The following UNC5C variants were observed in gnomAD, a reference collection of about 807,000 sequenced individuals.
The protein encoded by UNC5C is netrin receptor UNC5C.
UNC5C carries 47 observed loss-of-function variants against 99.8 expected under a neutral mutation model. The observed-to-expected ratio is 0.47, with a 90% confidence interval of 0.37 to 0.60. The LOEUF (loss-of-function observed/expected upper bound fraction) is 0.60. UNC5C is among the 20% of genes least tolerant of loss of function. UNC5C has a pLI of 0.00. For missense variants in UNC5C, 1,062 were observed against 1,165.9 expected (o/e 0.91, Z 1.30); for synonymous variants, 487 against 452.2 (o/e 1.08, Z -0.98).
chr4:95,293,041 G>A lies in UNC5C; in HGVS notation c.490+8565C>T, dbSNP rs777182923. Among the ~76,000 whole-genome samples the A allele has an allele frequency of 5.3e-5, 8 of 152,192 alleles. 1 individual carries two copies. Among genetic ancestry groups the A allele is most frequent in the East Asian group, 3.9e-4 (2 of 5,160 alleles). ...TAGGCAAGTGACAGGGTTGAGGCCC[G>A]GATAGACAGACCCCTCTATAGGAGT... is the stretch of plus-strand genomic sequence containing the variant. On this transcript the variant is annotated intron_variant, in intron 3 of 15. Transcript: ENST00000453304.
At chr4:95,461,504 T>C (rs1490171778) in intron 1 of UNC5C, among the ~76,000 whole-genome samples, 1 of 97,460 alleles carries the variant, frequency 1.0e-5, no homozygotes, top group Non-Finnish European at 2.0e-5. Context: ...GAATCAAGTA[T>C]TTACACTAAT....
chr4:95,480,512 A>G (rs1322670667), intron 1 of UNC5C, among the ~76,000 whole-genome samples: 1 of 151,884 alleles, frequency 6.6e-6, no homozygotes. Flanking sequence ...ATTTTCTACC[A>G]TTATACACAG....
chr4:95,308,487 T>C (rs183014072), intron 2 of UNC5C, among the ~76,000 whole-genome samples: 2,270 of 152,002 alleles, frequency 0.015, 55 homozygotes, highest in African/African-American at 0.051. Context: ...GTGCGGTGGC[T>C]CACGCCTGTA....
chr4:95,254,851 G>T (rs925419314), intron 4 of UNC5C, among the ~76,000 whole-genome samples: 2 of 151,942 alleles, frequency 1.3e-5, no homozygotes, highest in African/African-American at 4.8e-5. Flanking sequence ...TTACCAATTT[G>T]TTTCTCAGAC....
At chr4:95,223,872 G>T (rs181582373) in intron 7 of UNC5C, among the ~76,000 whole-genome samples, 87 of 152,298 alleles carry the variant, frequency 5.7e-4, no homozygotes, top group African/African-American at 2.0e-3. Flanking sequence ...TCCTGGAAGT[G>T]ATGATGTTAA....
chr4:95,267,237 C>T (rs1226753098), intron 4 of UNC5C, among the ~76,000 whole-genome samples: 1 of 152,158 alleles, frequency 6.6e-6, no homozygotes, highest in East Asian at 1.9e-4. Flanking sequence ...TCACAATGCC[C>T]TGGGCAGAAG....
intron 14 of UNC5C, among the ~76,000 whole-genome samples, chr4:95,177,787 G>C (rs973595196): frequency 1.3e-5 from 2 of 151,984 alleles, no homozygotes; most frequent in African/African-American, 4.8e-5. Context: ...CTGCAGCCTT[G>C]AATTCTTGGG....
intron 4 of UNC5C, among the ~76,000 whole-genome samples, chr4:95,265,317 G>T (rs895720709): frequency 1.3e-5 from 2 of 152,118 alleles, no homozygotes; most frequent in Non-Finnish European, 2.9e-5. Context: ...TGCTGAATAT[G>T]ATGTGATCGA....
At chr4:95,257,205 C>A (rs1162266623) in intron 4 of UNC5C, among the ~76,000 whole-genome samples, 1 of 152,142 alleles carries the variant, frequency 6.6e-6, no homozygotes, top group Admixed American at 6.5e-5. Context: ...GTCCTTACAA[C>A]CAGCCTGGAC....
intron 4 of UNC5C, among the ~76,000 whole-genome samples, chr4:95,274,605 C>T (rs1740789133): frequency 6.6e-6 from 1 of 152,080 alleles, no homozygotes; most frequent in African/African-American, 2.4e-5. Context: ...ACACTCTTTC[C>T]CTGGGCCCTG....
At chr4:95,466,228 T>C (rs1352095094) in intron 1 of UNC5C, among the ~76,000 whole-genome samples, 1 of 152,110 alleles carries the variant, frequency 6.6e-6, no homozygotes, top group African/African-American at 2.4e-5. Flanking sequence ...ATTCATAGAG[T>C]ACCTACTCAT....
intron 12 of UNC5C, among the ~76,000 whole-genome samples, chr4:95,194,877 A>AAAGT (rs1737315579): frequency 6.6e-6 from 1 of 152,136 alleles, no homozygotes; most frequent in Admixed American, 6.5e-5. Flanking sequence ...TCTCTTTCAA[A>AAAGT]AAGTAAGTTC....
At chr4:95,286,140 C>T (rs1405485704) in intron 3 of UNC5C, among the ~76,000 whole-genome samples, 9 of 152,218 alleles carry the variant, frequency 5.9e-5, no homozygotes, top group Non-Finnish European at 8.8e-5. Context: ...ACTTTTTCCC[C>T]GAAGTATTAA....
At chr4:95,250,429 G>A in intron 5 of UNC5C, 58 bp downstream of exon 5, 2 of 1,540,530 alleles carry the variant, frequency 1.3e-6, no homozygotes, top group Non-Finnish European at 1.8e-6. Context: ...CTTTACCGAT[G>A]CCAACGAGAA....
At chr4:95,389,698 A>T (rs1470929118) in intron 1 of UNC5C, among the ~76,000 whole-genome samples, 1 of 152,134 alleles carries the variant, frequency 6.6e-6, no homozygotes, top group East Asian at 1.9e-4. Flanking sequence ...TATGAAATCA[A>T]ATACAGATCA....
At chr4:95,465,614 A>G (rs1747748419) in intron 1 of UNC5C, among the ~76,000 whole-genome samples, 1 of 152,058 alleles carries the variant, frequency 6.6e-6, no homozygotes, top group African/African-American at 2.4e-5. Flanking sequence ...TTTGCCCATC[A>G]TTTTGGGTAA....
At chr4:95,513,513 G>A (rs1384078364) in intron 1 of UNC5C, among the ~76,000 whole-genome samples, 1 of 152,012 alleles carries the variant, frequency 6.6e-6, no homozygotes, top group Admixed American at 6.6e-5. Flanking sequence ...GACAAATTTT[G>A]CTGAAATTTT....
chr4:95,210,771 A>G (rs186779429), intron 10 of UNC5C, among the ~76,000 whole-genome samples: 1 of 152,344 alleles, frequency 6.6e-6, no homozygotes, highest in Non-Finnish European at 1.5e-5. Context: ...GCCCACAGAG[A>G]GAAATTTCAG....
At chr4:95,311,582 A>G (rs1055669505) in intron 2 of UNC5C, among the ~76,000 whole-genome samples, 2 of 152,194 alleles carry the variant, frequency 1.3e-5, no homozygotes, top group East Asian at 1.9e-4. Context: ...CCTGTTAACG[A>G]AAGTGGGGCA....
Sources: gnomAD v4.1 joint callset for allele counts (sites outside exome capture counted in the v4.1 genomes callset) on GRCh38, gnomAD v4.1.1 for gene constraint, MANE v1.5 for transcripts, NCBI Gene and HGNC (gene_info 2026-07-23, HGNC 2026-07-21) for gene names.